PAPPA2: variants seen among roughly 807,000 people sequenced by gnomAD.
PAPPA2 encodes the protein pappalysin-2.
In PAPPA2, 86 loss-of-function variants were observed where a neutral mutation model predicts 176.4. The observed-to-expected ratio is 0.49, with a 90% CI of 0.41 to 0.58. The LOEUF is 0.58. Among genes scored for constraint, PAPPA2 ranks in the 20% least tolerant of loss-of-function variants. The probability of loss-of-function intolerance (pLI) is 0.00; values close to 1 mark genes in which losing one functional copy is unlikely to be tolerated. For synonymous variants in PAPPA2, 809 were observed against 852.2 expected, an observed-to-expected ratio of 0.95 and a Z score of 0.88; for missense variants, 2,073 against 2,256.9, an observed-to-expected ratio of 0.92 and a Z score of 1.65.
intron 1 of PAPPA2, among the ~76,000 whole-genome samples, chr1:176,540,792 C>A (rs1164169853): frequency 5.3e-5 from 8 of 152,136 alleles, no homozygotes; most frequent in African/African-American, 1.7e-4. Context: ...AGCTCCAACA[C>A]CCCCCAGCAG....
chr1:176,740,693 T>G (rs528287889), intron 14 of PAPPA2, among the ~76,000 whole-genome samples: 1 of 152,210 alleles, frequency 6.6e-6, no homozygotes, highest in Non-Finnish European at 1.5e-5. Flanking sequence ...TGTCTGTGAT[T>G]GTCATCCTCT....
intron 2 of PAPPA2, among the ~76,000 whole-genome samples, chr1:176,559,154 T>C (rs1031205972): frequency 1.3e-5 from 2 of 152,122 alleles, no homozygotes; most frequent in African/African-American, 4.8e-5. Flanking sequence ...CACACTCAGA[T>C]CCTTCTCTAA....
intron 1 of PAPPA2, among the ~76,000 whole-genome samples, chr1:176,511,877 A>G (rs866041735): frequency 2.0e-5 from 3 of 152,106 alleles, no homozygotes; most frequent in African/African-American, 4.8e-5. Flanking sequence ...AACTTACACT[A>G]TTGGGTTCTC....
intron 21 of PAPPA2, among the ~76,000 whole-genome samples, chr1:176,808,119 T>C (rs56005133): frequency 0.12 from 18,612 of 151,752 alleles, 1,505 homozygotes; most frequent in Middle Eastern, 0.23. Flanking sequence ...GTAGTTCACA[T>C]TGGCAATGGA....
intron 1 of PAPPA2, among the ~76,000 whole-genome samples, chr1:176,512,597 A>C (rs1254096968): frequency 2.0e-5 from 3 of 152,192 alleles, no homozygotes; most frequent in Non-Finnish European, 2.9e-5. Flanking sequence ...GTCTGAAACA[A>C]GGGGTGAAGA....
chr1:176,799,922 C>A, intron 20 of PAPPA2, 139 bp from the exon 21 acceptor site: 1 of 809,174 alleles, frequency 1.2e-6, no homozygotes, highest in Non-Finnish European at 2.0e-6. Flanking sequence ...TAGCCCCAAT[C>A]CACTTTATGG....
intron 2 of PAPPA2, among the ~76,000 whole-genome samples, chr1:176,558,810 G>T (rs992282484): frequency 6.6e-6 from 1 of 152,068 alleles, no homozygotes; most frequent in Non-Finnish European, 1.5e-5. Context: ...TAAGACCCAC[G>T]ACTCTGCTTA....
rs940422371 is a variant in PAPPA2, at chr1:176,607,484, A to G, written c.1991+11889A>G. The stretch of plus-strand genomic sequence containing the variant: ...ACATTTGACTTTCTGTGTCTGAGTT[A>G]GTTCACTTAATATATGTCCTTCAGT... On this transcript the variant is annotated intron_variant, in intron 3 of 22. Transcript: ENST00000367662. 3.3e-5 allele frequency among the ~76,000 whole-genome samples: 5 copies of G among 152,320 alleles called. No homozygotes were observed. The South Asian group carries it at 8.3e-4, about 25-fold the overall frequency.
At chr1:176,516,394 T>A (rs1281569454) in intron 1 of PAPPA2, among the ~76,000 whole-genome samples, 1 of 152,120 alleles carries the variant, frequency 6.6e-6, no homozygotes, top group Non-Finnish European at 1.5e-5. Context: ...ATTTCCTTTT[T>A]AAGGCAAAAC....
rs759850122 is a variant in PAPPA2, at chr1:176,699,575, G to A, written c.3222G>A (p.Arg1074=). The stretch of plus-strand genomic sequence containing the variant: ...CCGTGGTGGTGACACATTCTCACAG[G>A]AAGTTCACGGACGTGTGAGTTTGGT... ...GLPVVVTHSH[R]KFTDVEVTPG... is the part of the protein sequence containing the mutation. The change falls in exon 8 of 23, where the codon AGG becomes AGA. Residue 1074 remains arginine (R), a synonymous_variant. Coordinates refer to ENST00000367662, the MANE Select transcript of PAPPA2 (RefSeq NM_020318.3). 3.7e-6 allele frequency: 6 copies of A among 1,601,862 alleles called. No individual in the cohort carries two copies. Among genetic ancestry groups the A allele is most frequent in the Admixed American group, 1.7e-5 (1 of 59,720 alleles).
chr1:176,685,457 A>C (rs948905270), intron 4 of PAPPA2, among the ~76,000 whole-genome samples: 3 of 152,210 alleles, frequency 2.0e-5, no homozygotes, highest in African/African-American at 7.2e-5. Context: ...TGGTGCAGGT[A>C]CCCATGTGTA....
chr1:176,835,411 T>C (rs1667234275), intron 21 of PAPPA2, among the ~76,000 whole-genome samples: 1 of 152,268 alleles, frequency 6.6e-6, no homozygotes, highest in African/African-American at 2.4e-5. Context: ...TTTGGATATA[T>C]ACCCAGTGGT....
At chr1:176,713,912 G>C (rs1001802761) in intron 12 of PAPPA2, among the ~76,000 whole-genome samples, 4 of 151,934 alleles carry the variant, frequency 2.6e-5, no homozygotes, top group Admixed American at 6.6e-5. Context: ...CTCTTATATT[G>C]CTTAAAAGAG....
At chr1:176,781,663 T>C (rs1664728241) in intron 17 of PAPPA2, among the ~76,000 whole-genome samples, 1 of 152,074 alleles carries the variant, frequency 6.6e-6, no homozygotes, top group African/African-American at 2.4e-5. Flanking sequence ...TGGGGCTAAG[T>C]AGAGAACCGT....
intron 3 of PAPPA2, among the ~76,000 whole-genome samples, chr1:176,658,608 T>C (rs1161659227): frequency 1.3e-5 from 2 of 151,912 alleles, no homozygotes; most frequent in Non-Finnish European, 1.5e-5. Context: ...AGGCCTTGAA[T>C]GTCAGTTAGA....
chr1:176,501,646 A>G (rs750777738), intron 1 of PAPPA2, among the ~76,000 whole-genome samples: 3 of 152,214 alleles, frequency 2.0e-5, no homozygotes, highest in Non-Finnish European at 4.4e-5. Context: ...TGTCAGTGCA[A>G]ATGGTTGTAG....
intron 1 of PAPPA2, among the ~76,000 whole-genome samples, chr1:176,490,736 C>G (rs1033528313): frequency 2.0e-5 from 3 of 152,140 alleles, no homozygotes; most frequent in Non-Finnish European, 4.4e-5. Context: ...CTCAGTTCTC[C>G]CTAGTGTGGA....
chr1:176,728,069 A>T (rs965774880), intron 12 of PAPPA2, among the ~76,000 whole-genome samples: 4 of 151,988 alleles, frequency 2.6e-5, no homozygotes, highest in African/African-American at 9.7e-5. Context: ...AAGATCAACA[A>T]TCAGAGTTTC....
intron 3 of PAPPA2, among the ~76,000 whole-genome samples, chr1:176,604,257 T>C (rs114348005): frequency 1.1e-3 from 174 of 152,346 alleles, no homozygotes; most frequent in African/African-American, 4.1e-3. Flanking sequence ...TATTTTTCTT[T>C]TTAGAATTTA....
Sources: allele counts gnomAD v4.1 joint callset (sites outside exome capture counted in the v4.1 genomes callset), GRCh38; gene constraint gnomAD v4.1.1; transcripts MANE v1.5; gene names NCBI Gene and HGNC (gene_info 2026-07-23, HGNC 2026-07-21).